ATG10: variants seen among roughly 807,000 people sequenced by gnomAD.
ATG10 encodes autophagy related 10.
A neutral mutation model predicts 32.1 loss-of-function variants in ATG10; 30 were observed. The ratio of observed to expected loss-of-function variants is 0.94; its 90% CI spans 0.70 to 1.27. The LOEUF is 1.27. ATG10 is among the 50% of genes most tolerant of loss of function. ATG10 has a pLI of 0.00. For synonymous variants in ATG10, 87 were observed against 91.5 expected (o/e 0.95, Z 0.28); for missense variants, 233 against 262.3 (o/e 0.89, Z 0.77).
intron 2 of ATG10, among the ~76,000 whole-genome samples, chr5:82,013,415 C>CTGAG (rs1762186179): frequency 6.6e-6 from 1 of 152,150 alleles, no homozygotes; most frequent in Non-Finnish European, 1.5e-5. Flanking sequence ...CTTTTTATGA[C>CTGAG]TGAGTAGTAT....
intron 3 of ATG10, among the ~76,000 whole-genome samples, chr5:82,059,250 G>GA (rs1303738234): frequency 1.3e-5 from 2 of 151,548 alleles, no homozygotes; most frequent in Non-Finnish European, 2.9e-5. Flanking sequence ...TATTTCTTGT[G>GA]AAAAAAATTG....
At chr5:82,176,329 C>A (rs1744018879) in intron 4 of ATG10, among the ~76,000 whole-genome samples, 1 of 152,154 alleles carries the variant, frequency 6.6e-6, no homozygotes, top group African/African-American at 2.4e-5. Context: ...TCAGTTCAGT[C>A]ATGAACCGGC....
At chr5:82,043,865 A>G (rs1677898899) in intron 2 of ATG10, among the ~76,000 whole-genome samples, 1 of 152,148 alleles carries the variant, frequency 6.6e-6, no homozygotes, top group Admixed American at 6.5e-5. Context: ...CATTTTATTC[A>G]AAAACCATTC....
intron 3 of ATG10, among the ~76,000 whole-genome samples, chr5:82,127,248 AT>A (rs1044651386): frequency 2.4e-4 from 37 of 151,804 alleles, no homozygotes; most frequent in African/African-American, 4.6e-4. Flanking sequence ...GGATTCATTG[AT>A]TTTTTTGAAG....
intron 5 of ATG10, among the ~76,000 whole-genome samples, chr5:82,232,274 G>A (rs1450010170): frequency 1.3e-5 from 2 of 152,182 alleles, no homozygotes; most frequent in Non-Finnish European, 2.9e-5. Flanking sequence ...TGCTTGGAAA[G>A]TGCAGGCTTC....
At chr5:82,022,022 CAAAA>C (rs1218669453) in intron 2 of ATG10, among the ~76,000 whole-genome samples, 2 of 109,830 alleles carry the variant, frequency 1.8e-5, no homozygotes, top group Admixed American at 1.9e-4. Flanking sequence ...GACGCTGTCT[CAAAA>C]AAAAAAAAAA....
intron 4 of ATG10, among the ~76,000 whole-genome samples, chr5:82,170,371 G>A (rs972956908): frequency 1.3e-5 from 2 of 152,110 alleles, no homozygotes; most frequent in African/African-American, 2.4e-5. Flanking sequence ...TGCCTAACTT[G>A]TAACTCATGT....
intron 2 of ATG10, among the ~76,000 whole-genome samples, chr5:81,989,107 G>T (rs1761378891): frequency 6.6e-6 from 1 of 152,250 alleles, no homozygotes; most frequent in Non-Finnish European, 1.5e-5. Context: ...GGGATTACAA[G>T]CATGAGCCAC....
chr5:82,058,708 A>G (rs1031322834), intron 3 of ATG10, 106 bp downstream of exon 3: 2 of 662,830 alleles, frequency 3.0e-6, no homozygotes, highest in African/African-American at 1.8e-5. Context: ...AAGCACCACA[A>G]TTATATGGCA....
At position 82,139,779 on chromosome 5, in the gene ATG10, G is replaced by A. The variant is rs867621242; in HGVS notation, c.217-24620G>A. The stretch of plus-strand genomic sequence containing the variant: ...AGGCGAGGGGCGCCTCTGCCCGGCC[G>A]CCCCTACTGGGAAGTGAGGAGCCCC... On this transcript the variant is annotated intron_variant, in intron 3 of 7. Transcript: ENST00000282185. Among the ~76,000 whole-genome samples the A allele has an allele frequency of 5.5e-3, 690 of 126,112 alleles. 14 individuals carry two copies. The highest frequency in any genetic ancestry group is 0.018 in the African/African-American group (569 of 32,514). The allele number at this position is 126,112 out of a possible 152,430, so 82.7% of individuals were successfully genotyped here.
At chr5:82,141,135 CTTGT>C (rs1767109842) in intron 3 of ATG10, among the ~76,000 whole-genome samples, 7 of 143,708 alleles carry the variant, frequency 4.9e-5, no homozygotes, top group Non-Finnish European at 1.5e-5. Context: ...CCTTTGTTCA[CTTGT>C]TTATCTGCTG....
At chr5:82,130,487 G>A (rs1025897724) in intron 3 of ATG10, among the ~76,000 whole-genome samples, 1 of 152,136 alleles carries the variant, frequency 6.6e-6, no homozygotes, top group Non-Finnish European at 1.5e-5. Flanking sequence ...GGCGCCCAAA[G>A]GAATCTCCTG....
rs186670876 is a variant in ATG10 at position 82,215,872 on chromosome 5, T to C, written c.454-36690T>C. On this transcript the variant is annotated intron_variant, in intron 5 of 7. Coordinates refer to ENST00000282185, the MANE Select transcript of ATG10 (RefSeq NM_031482.5). ...ATAGCTTGAACCTGGGAGGTGAAGG[T>C]TGCAGTGAGCTGAGATCGCCCCACT... 2.5e-4 allele frequency among the ~76,000 whole-genome samples: 38 copies of C among 151,852 alleles called. No individual in the cohort carries two copies. The East Asian group carries it at 7.4e-3, about 30-fold the overall frequency.
chr5:82,220,553 C>T (rs1463982018), intron 5 of ATG10, among the ~76,000 whole-genome samples: 2 of 151,920 alleles, frequency 1.3e-5, no homozygotes, highest in South Asian at 2.1e-4. Flanking sequence ...TGAGCTACCG[C>T]GCCTGGCTGG....
chr5:82,178,355 T>C (rs1344284243), intron 4 of ATG10, 135 bp from the exon 5 acceptor site: 2 of 576,000 alleles, frequency 3.5e-6, no homozygotes, highest in East Asian at 2.8e-5. Flanking sequence ...TATAGCACTC[T>C]CTTGATATAT....
chr5:82,075,161 C>G (rs1395933566), intron 3 of ATG10, among the ~76,000 whole-genome samples: 1 of 152,186 alleles, frequency 6.6e-6, no homozygotes, highest in Non-Finnish European at 1.5e-5. Flanking sequence ...TGGTTAGGCT[C>G]TCTCTTCGTT....
At chr5:82,218,950 C>G (rs1017364031) in intron 5 of ATG10, among the ~76,000 whole-genome samples, 5 of 152,116 alleles carry the variant, frequency 3.3e-5, no homozygotes, top group Admixed American at 2.6e-4. Context: ...GAGGGAGAGA[C>G]TACATGTCTC....
chr5:82,060,271 A>G (rs1235157456), intron 3 of ATG10, among the ~76,000 whole-genome samples: 2 of 152,208 alleles, frequency 1.3e-5, no homozygotes, highest in Admixed American at 6.5e-5. Context: ...CTTACCACCT[A>G]AAGTCTACCA....
At chr5:82,178,414 A>T in intron 4 of ATG10, 76 bp from the exon 5 acceptor site, 1 of 854,294 alleles carries the variant, frequency 1.2e-6, no homozygotes. Context: ...ATATTCTTCC[A>T]GGAGTTTTAG....
Sources: gnomAD v4.1 joint callset for allele counts (sites outside exome capture counted in the v4.1 genomes callset) on GRCh38, gnomAD v4.1.1 for gene constraint, MANE v1.5 for transcripts, NCBI Gene and HGNC (gene_info 2026-07-23, HGNC 2026-07-21) for gene names.